The following TMEM165 variants were observed in gnomAD, a reference collection of about 807,000 sequenced individuals.
The protein encoded by TMEM165 is transmembrane protein 165, also known as putative divalent cation/proton antiporter TMEM165.
Under a neutral mutation model 30.0 loss-of-function variants are expected in TMEM165, and 19 were observed. The ratio of observed to expected loss-of-function variants is 0.63; its 90% CI spans 0.44 to 0.93. The LOEUF (loss-of-function observed/expected upper bound fraction) is 0.93. Among genes scored for constraint, TMEM165 ranks in the 40% least tolerant of loss-of-function variants. The pLI, the probability that TMEM165 is intolerant of heterozygous loss-of-function variation, is 0.00. For missense variants in TMEM165, 340 were observed against 417.0 expected, an observed-to-expected ratio of 0.82 and a Z score of 1.61; for synonymous variants, 168 against 162.9, an observed-to-expected ratio of 1.03 and a Z score of -0.24.
chr4:55,426,965 G>GTGGT (rs1216106123), downstream of TMEM165, among the ~76,000 whole-genome samples: 1 of 152,036 alleles, frequency 6.6e-6, no homozygotes, highest in Non-Finnish European at 1.5e-5. Context: ...GATAAACTCT[G>GTGGT]TGGTTAGACA....
intron 1 of TMEM165, among the ~76,000 whole-genome samples, chr4:55,400,843 T>G (rs578207698): frequency 1.3e-5 from 2 of 150,830 alleles, no homozygotes; most frequent in East Asian, 3.9e-4. Flanking sequence ...AACTATGTAA[T>G]ATAAGTGTCA....
At position 55,424,802 on chromosome 4, in the gene TMEM165, C is replaced by T. The variant is rs751629809; in HGVS notation, c.898+159C>T. On this transcript the variant is annotated intron_variant, in intron 5 of 5. Transcript: ENST00000381334. ...GGTATTAATCCTGGTATTGCAAATA[C>T]GGACTTTTTTCACCTGTGTAGAAGT... is the stretch of plus-strand genomic sequence containing the variant. The T allele has an allele frequency of 2.3e-4, 134 of 574,252 alleles. 1 individual carries two copies. The highest frequency in any genetic ancestry group is 3.6e-4 in the African/African-American group (19 of 52,412). 35.6% of individuals were successfully genotyped at this position (574,252 alleles called of 1,614,324 possible).
chr4:55,425,488 G>C lies in TMEM165; in HGVS notation c.*36G>C. 3 of 1,491,006 alleles carry C rather than the reference G, an allele frequency of 2.0e-6. No homozygotes were observed. Among genetic ancestry groups the C allele is most frequent in the Non-Finnish European group, 2.8e-6 (3 of 1,070,658 alleles). The allele number at this position is 1,491,006 out of a possible 1,614,324, so 92.4% of individuals were successfully genotyped here. A position where few individuals can be genotyped will look rare whatever the true frequency, so the allele number is the denominator to read the frequency against. On this transcript the variant is annotated 3_prime_UTR_variant, in exon 6 of 6. Transcript: ENST00000381334. ...GTTCATCTATATTTAGTTTAAAATA[G>C]GTAGTATTATCTTTCTGTACATAGT...
intron 2 of TMEM165, 54 bp downstream of exon 2, chr4:55,411,893 G>A (rs1006532862): frequency 8.7e-5 from 135 of 1,544,662 alleles, no homozygotes; most frequent in Middle Eastern, 5.0e-4. Flanking sequence ...AAAGCGTGTT[G>A]TGTGACATGG....
At chr4:55,449,948 A>T (rs1724271994) in intron 3 of TMEM165, 1 of 1,004,578 alleles carries the variant, frequency 1.0e-6, no homozygotes, top group Non-Finnish European at 1.5e-6. Context: ...ATGTCCCTTT[A>T]ACTCACTGGA....
Position 55,450,356 on chromosome 4 carries a change from G to A in TMEM165, c.409-1883G>A, listed in dbSNP as rs191637075. The A allele has an allele frequency of 2.3e-4, 236 of 1,030,178 alleles. No homozygotes were observed. The African/African-American group carries it at 3.3e-3, about 14-fold the overall frequency. The allele number at this position is 1,030,178 out of a possible 1,614,324, so 63.8% of individuals were successfully genotyped here. A position where few individuals can be genotyped will look rare whatever the true frequency, so the allele number is the denominator to read the frequency against. On this transcript the variant is annotated intron_variant, in intron 3 of 3. Transcript: ENST00000608091. ...TATAACAAGGCAAAAGTACCTGTAT[G>A]TACATACACATGTAAAGAAATGAAA...
At chr4:55,442,671 T>A in intron 3 of TMEM165, 1 of 1,524,656 alleles carries the variant, frequency 6.6e-7, no homozygotes, top group Non-Finnish European at 9.1e-7. Context: ...ACAGATTAAC[T>A]GAAAATAATT....
intron 3 of TMEM165, chr4:55,449,482 T>A: frequency 6.2e-7 from 1 of 1,614,020 alleles, no homozygotes; most frequent in Non-Finnish European, 8.5e-7. Context: ...TCCGTCGGGA[T>A]CTTGGTTGGT....
At chr4:55,429,827 A>AT, downstream of TMEM165, 1 of 152,326 alleles carries the variant, frequency 6.6e-6, no homozygotes, top group African/African-American at 2.4e-5. Flanking sequence ...TATTTCTAAA[A>AT]TTCTTTCTTA....
At chr4:55,429,247 C>T (rs941249104), downstream of TMEM165, 1 of 152,048 alleles carries the variant, frequency 6.6e-6, no homozygotes, top group African/African-American at 2.4e-5. Context: ...TCAGTTTAAC[C>T]CTCAGAGTTA....
intron 1 of TMEM165, among the ~76,000 whole-genome samples, chr4:55,404,832 T>A (rs7686016): frequency 0.036 from 5,539 of 152,314 alleles, 342 homozygotes; most frequent in African/African-American, 0.13. Context: ...TGTTTAAGAA[T>A]CCATCTCAGG....
chr4:55,433,944 T>C (rs977560355), intron 3 of TMEM165: 4 of 152,276 alleles, frequency 2.6e-5, no homozygotes, highest in African/African-American at 9.6e-5. Context: ...AATTCTTAAA[T>C]GACTAAAGAA....
At chr4:55,418,126 C>G (rs1721817467) in intron 4 of TMEM165, 141 bp downstream of exon 4, 2 of 764,632 alleles carry the variant, frequency 2.6e-6, no homozygotes, top group South Asian at 6.5e-5. Flanking sequence ...TTCAGCTGCT[C>G]TCTAAAATTG....
chr4:55,396,301 G>T lies in TMEM165; in HGVS notation c.112G>T (p.Asp38Tyr). 4 of 1,530,978 alleles carry T rather than the reference G, an allele frequency of 2.6e-6. No homozygotes were observed. The highest frequency in any genetic ancestry group is 3.5e-6 in the Non-Finnish European group (4 of 1,144,136). The allele number at this position is 1,530,978 out of a possible 1,614,324, so 94.8% of individuals were successfully genotyped here. The stretch of plus-strand genomic sequence containing the variant: ...TGCGGTCCGGGCCGGCCCAGATGAA[G>T]ACCTTAGCCACCGGAACAAAGAACC... The part of the protein sequence containing the change: ...PAAVRAGPDE[D>Y]LSHRNKEPPA... Residue 38 changes from aspartate (D) to tyrosine (Y), a missense_variant, in exon 1 of 6, where the codon GAC (aspartate) becomes TAC (tyrosine). By Grantham distance (160) the Asp-to-Tyr change is radical. Coordinates refer to ENST00000381334, the MANE Select transcript of TMEM165 (RefSeq NM_018475.5).
intron 3 of TMEM165, among the ~76,000 whole-genome samples, chr4:55,440,318 CCT>C (rs1723255090): frequency 6.6e-6 from 1 of 152,018 alleles, no homozygotes; most frequent in South Asian, 2.1e-4. Context: ...TTAATTTTTC[CCT>C]CTTTCCCTGC....
At chr4:55,440,022 T>G (rs1723224385) in intron 3 of TMEM165, among the ~76,000 whole-genome samples, 1 of 152,178 alleles carries the variant, frequency 6.6e-6, no homozygotes, top group Non-Finnish European at 1.5e-5. Flanking sequence ...ATAAAAATTT[T>G]TTTTAATCTA....
At chr4:55,450,751 A>G (rs1184578675) in intron 3 of TMEM165, among the ~76,000 whole-genome samples, 1 of 146,802 alleles carries the variant, frequency 6.8e-6, no homozygotes, top group African/African-American at 2.5e-5. Flanking sequence ...CCTGGGCAAA[A>G]GAGCGAGACT....
intron 3 of TMEM165, among the ~76,000 whole-genome samples, chr4:55,448,597 CGCGCGT>C (rs1480423648): frequency 2.7e-4 from 20 of 72,920 alleles, no homozygotes; most frequent in African/African-American, 1.0e-3. Flanking sequence ...CGCGCGCACG[CGCGCGT>C]GTGTGTGTGT....
intron 2 of TMEM165, among the ~76,000 whole-genome samples, chr4:55,416,465 G>A (rs1315688377): frequency 6.6e-6 from 1 of 152,064 alleles, no homozygotes; most frequent in African/African-American, 2.4e-5. Context: ...CTTATCAGTG[G>A]GAAAGAGTGG....
Sources: allele counts gnomAD v4.1 joint callset (sites outside exome capture counted in the v4.1 genomes callset), GRCh38; gene constraint gnomAD v4.1.1; transcripts MANE v1.5; gene names NCBI Gene and HGNC (gene_info 2026-07-23, HGNC 2026-07-21).